Variants in ATP10B observed in about 807,000 individuals in gnomAD.
ATP10B encodes phospholipid-transporting ATPase VB.
Under a neutral mutation model 141.2 loss-of-function variants are expected in ATP10B, and 122 were observed. That is an observed-to-expected ratio of 0.86 (90% CI 0.75 to 1.00). The LOEUF (loss-of-function observed/expected upper bound fraction) is 1.00, where lower values mean the gene tolerates loss of function less well. Among genes scored for constraint, ATP10B ranks in the 50% least tolerant of loss-of-function variants. ATP10B has a pLI of 0.00. For synonymous variants in ATP10B, 685 were observed against 692.0 expected (o/e 0.99, Z 0.16); for missense variants, 1,876 against 1,825.3 (o/e 1.03, Z -0.51).
At chr5:160,693,913 G>A (rs778599537) in intron 3 of ATP10B, among the ~76,000 whole-genome samples, 9 of 152,210 alleles carry the variant, frequency 5.9e-5, no homozygotes, top group East Asian at 1.9e-4. Flanking sequence ...CTATGGGCCC[G>A]TGGCCCAGGG....
chr5:160,695,221 G>A (rs116010050), intron 3 of ATP10B, among the ~76,000 whole-genome samples: 1,670 of 152,244 alleles, frequency 0.011, 13 homozygotes, highest in Non-Finnish European at 0.016. Context: ...TCTCTCTCTT[G>A]ATTTCTCTGA....
intron 1 of ATP10B, among the ~76,000 whole-genome samples, chr5:160,815,213 C>T (rs1460485853): frequency 2.0e-5 from 3 of 152,078 alleles, no homozygotes; most frequent in Admixed American, 6.5e-5. Context: ...AGAGTCAAGA[C>T]CCATCAGTGT....
intron 1 of ATP10B, among the ~76,000 whole-genome samples, chr5:160,814,644 G>A (rs529534483): frequency 3.3e-5 from 5 of 152,136 alleles, no homozygotes; most frequent in African/African-American, 1.2e-4. Context: ...ACACCACAAA[G>A]ATACTCCACG....
chr5:160,911,195 TA>T, the ATP10B span, among the ~76,000 whole-genome samples: 1 of 152,216 alleles, frequency 6.6e-6, no homozygotes, highest in East Asian at 1.9e-4. Context: ...ATAACTAGCA[TA>T]ATCTCCATTA....
chr5:160,871,464 C>G, the ATP10B span, among the ~76,000 whole-genome samples: 1 of 152,100 alleles, frequency 6.6e-6, no homozygotes, highest in African/African-American at 2.4e-5. Context: ...GCACCCATCA[C>G]CTGCGCAGTA....
At chr5:160,782,942 T>C (rs1263099374) in intron 2 of ATP10B, among the ~76,000 whole-genome samples, 1 of 152,146 alleles carries the variant, frequency 6.6e-6, no homozygotes. Flanking sequence ...TTCCATTATA[T>C]AGAAGTATAT....
At chr5:160,567,427 A>T (rs898539884) in intron 25 of ATP10B, among the ~76,000 whole-genome samples, 11 of 152,180 alleles carry the variant, frequency 7.2e-5, no homozygotes, top group African/African-American at 2.4e-4. Context: ...CCCTCCATTT[A>T]TAACTATAGT....
chr5:160,622,409 G>C lies in ATP10B; in HGVS notation c.1797C>G (p.Thr599=), dbSNP rs548788352. Residue 599 remains threonine (T), a synonymous_variant, in exon 14 of 26, where the codon ACC becomes ACG. Coordinates refer to ENST00000327245, the MANE Select transcript of ATP10B (RefSeq NM_025153.3). ...ICNSVMVSTT[T]EPRQRVTIKP... The stretch of plus-strand genomic sequence containing the variant: ...TGGTCCTTACCCTCTGCCTGGGCTC[G>C]GTGGTTGTGGACACCATGACAGAGT... 2.1e-5 allele frequency: 34 copies of C among 1,612,980 alleles called. No individual in the cohort carries two copies. The highest frequency in any genetic ancestry group is 2.7e-5 in the Non-Finnish European group (32 of 1,179,722).
intron 1 of ATP10B, among the ~76,000 whole-genome samples, chr5:160,814,214 C>T (rs904159485): frequency 5.9e-5 from 9 of 151,800 alleles, no homozygotes; most frequent in Non-Finnish European, 8.8e-5. Flanking sequence ...GAACCCATGG[C>T]AAAGAAGTTA....
intron 2 of ATP10B, among the ~76,000 whole-genome samples, chr5:160,745,154 T>C (rs898688284): frequency 1.3e-5 from 2 of 152,262 alleles, no homozygotes; most frequent in Non-Finnish European, 2.9e-5. Flanking sequence ...ATTGTCATTA[T>C]TGTTATGCCT....
intron 24 of ATP10B, among the ~76,000 whole-genome samples, chr5:160,584,884 T>TA (rs752824675): frequency 4.4e-4 from 67 of 152,234 alleles, no homozygotes; most frequent in Admixed American, 6.5e-4. Flanking sequence ...TGAAGACAAT[T>TA]ACTCCATTGT....
intron 1 of ATP10B, among the ~76,000 whole-genome samples, chr5:160,811,324 G>A (rs543338647): frequency 7.2e-4 from 109 of 152,260 alleles, no homozygotes; most frequent in African/African-American, 2.6e-3. Flanking sequence ...ACTTTATCTT[G>A]CACCTTATGT....
intron 3 of ATP10B, among the ~76,000 whole-genome samples, chr5:160,691,382 C>A (rs1764068921): frequency 6.6e-6 from 1 of 151,946 alleles, no homozygotes; most frequent in Non-Finnish European, 1.5e-5. Context: ...TGCTGCTTTA[C>A]CTAGGAGTTT....
chr5:160,746,611 C>T (rs926832205), intron 2 of ATP10B, among the ~76,000 whole-genome samples: 6 of 152,126 alleles, frequency 3.9e-5, no homozygotes, highest in Admixed American at 6.5e-5. Context: ...AGGCTGGTCT[C>T]GCACTCCTGA....
At chr5:160,743,760 GA>G (rs1767630617) in intron 2 of ATP10B, among the ~76,000 whole-genome samples, 1 of 152,172 alleles carries the variant, frequency 6.6e-6, no homozygotes, top group Admixed American at 6.5e-5. Flanking sequence ...TATTACCTCT[GA>G]AATAATCAAA....
intron 3 of ATP10B, among the ~76,000 whole-genome samples, chr5:160,703,737 T>C (rs936112795): frequency 6.6e-6 from 1 of 152,222 alleles, no homozygotes; most frequent in Non-Finnish European, 1.5e-5. Context: ...AGTGCTGGGA[T>C]TACAGGTGTG....
chr5:160,636,094 G>A (rs1445450786), intron 11 of ATP10B, 88 bp downstream of exon 11: 18 of 1,411,492 alleles, frequency 1.3e-5, no homozygotes, highest in Non-Finnish European at 1.7e-5. Context: ...CTTTCTAGTG[G>A]CCAGCACTGT....
At chr5:160,878,093 G>T in the ATP10B span, among the ~76,000 whole-genome samples, 1 of 150,802 alleles carries the variant, frequency 6.6e-6, no homozygotes, top group Non-Finnish European at 1.5e-5. Flanking sequence ...TAAGCCAAAA[G>T]AACAAAGCTG....
intron 2 of ATP10B, among the ~76,000 whole-genome samples, chr5:160,774,354 A>G (rs1337978620): frequency 6.6e-6 from 1 of 152,202 alleles, no homozygotes; most frequent in African/African-American, 2.4e-5. Flanking sequence ...CCGAAGAACC[A>G]GGGATATCCA....
Sources: allele counts gnomAD v4.1 joint callset (sites outside exome capture counted in the v4.1 genomes callset), GRCh38; gene constraint gnomAD v4.1.1; transcripts MANE v1.5; gene names NCBI Gene and HGNC (gene_info 2026-07-23, HGNC 2026-07-21).